The following BTBD9 variants were observed in gnomAD, a reference collection of about 807,000 sequenced individuals.
The protein encoded by BTBD9 is BTB domain containing 9.
Under a neutral mutation model 64.3 loss-of-function variants are expected in BTBD9, and 49 were observed. That is an observed-to-expected ratio of 0.76 (90% CI 0.61 to 0.97). The LOEUF is 0.97. Ranked by LOEUF, BTBD9 falls within the 50% of genes least tolerant of loss-of-function variation. BTBD9 has a pLI of 0.00. For missense variants in BTBD9, 598 were observed against 762.1 expected (o/e 0.78, Z 2.53); for synonymous variants, 260 against 274.7 (o/e 0.95, Z 0.53).
chr6:38,192,917 A>AGGGGGGT (rs1342694440), intron 9 of BTBD9, among the ~76,000 whole-genome samples: 2 of 70,840 alleles, frequency 2.8e-5, no homozygotes, highest in East Asian at 9.9e-4. Context: ...GGGTGGGGGG[A>AGGGGGGT]GGGGGGAGGG....
intron 6 of BTBD9, among the ~76,000 whole-genome samples, chr6:38,442,555 A>G (rs1769082695): frequency 6.6e-6 from 1 of 152,072 alleles, no homozygotes; most frequent in African/African-American, 2.4e-5. Flanking sequence ...AAAGAAGTTA[A>G]TATGATGACC....
At chr6:38,213,719 C>T (rs1022762771) in intron 9 of BTBD9, among the ~76,000 whole-genome samples, 40 of 152,126 alleles carry the variant, frequency 2.6e-4, no homozygotes, top group Non-Finnish European at 5.0e-4. Flanking sequence ...TGGTGGCTCA[C>T]GCCTGTAATC....
chr6:38,402,094 A>G, intron 6 of BTBD9, among the ~76,000 whole-genome samples: 1 of 152,184 alleles, frequency 6.6e-6, no homozygotes, highest in East Asian at 1.9e-4. Context: ...AATTTCATTT[A>G]CAATAGCATC....
At chr6:38,265,400 T>A (rs1044188760) in intron 8 of BTBD9, among the ~76,000 whole-genome samples, 11 of 151,832 alleles carry the variant, frequency 7.2e-5, no homozygotes, top group African/African-American at 2.4e-4. Context: ...TATCTGAAAG[T>A]GGAAAAATAT....
rs143468736 is a variant in BTBD9 at position 38,426,272 on chromosome 6, G to A, written c.1155-81179C>T. On this transcript the variant is annotated intron_variant, in intron 6 of 10. Coordinates refer to ENST00000481247, the MANE Select transcript of BTBD9 (RefSeq NM_001099272.2). ...CAGCTCACACCCAACCAATCAGAGA[G>A]CTCACTAAAATGCTAATTAGGCAAA... 7.6e-3 allele frequency among the ~76,000 whole-genome samples: 1,159 copies of A among 152,012 alleles called. 36 individuals carry two copies. The highest frequency in any genetic ancestry group is 0.026 in the African/African-American group (1,076 of 41,310).
rs117623710 is a variant in BTBD9 at position 38,222,769 on chromosome 6, T to C, written c.1563-30172A>G. On this transcript the variant is annotated intron_variant, in intron 9 of 10. Transcript: ENST00000481247. ...CAAAAATAAAAAGTAAATGTAAAGA[T>C]AGACAGACAAACAGGCAAAACATAT... Among the ~76,000 whole-genome samples, 504 of 152,282 alleles carry C rather than the reference T, an allele frequency of 3.3e-3. 19 individuals are homozygous for C. In the East Asian group the frequency reaches 0.08, roughly 24 times the overall value.
intron 6 of BTBD9, among the ~76,000 whole-genome samples, chr6:38,454,740 T>C (rs1582456745): frequency 6.6e-6 from 1 of 150,802 alleles, no homozygotes; most frequent in Admixed American, 6.6e-5. Flanking sequence ...GAGGCTGCAG[T>C]GAGCTATGAA....
At chr6:38,268,375 C>T (rs144580589) in intron 8 of BTBD9, among the ~76,000 whole-genome samples, 2 of 152,240 alleles carry the variant, frequency 1.3e-5, no homozygotes, top group East Asian at 1.9e-4. Context: ...TCAGAAGAAT[C>T]CGTATCTGTG....
intron 6 of BTBD9, among the ~76,000 whole-genome samples, chr6:38,467,416 T>C (rs1458590846): frequency 1.3e-5 from 2 of 152,190 alleles, no homozygotes; most frequent in African/African-American, 4.8e-5. Context: ...AAAACCAATG[T>C]AAAAATCAGA....
intron 6 of BTBD9, among the ~76,000 whole-genome samples, chr6:38,461,234 C>T (rs1234221206): frequency 6.6e-6 from 1 of 152,134 alleles, no homozygotes; most frequent in African/African-American, 2.4e-5. Context: ...AATTTTTGAC[C>T]TGTAAAACCA....
intron 6 of BTBD9, among the ~76,000 whole-genome samples, chr6:38,423,729 C>G (rs1768015229): frequency 6.6e-6 from 1 of 152,056 alleles, no homozygotes; most frequent in Non-Finnish European, 1.5e-5. Flanking sequence ...TGAAATCCAC[C>G]AGGTCAAAGC....
At chr6:38,345,215 C>G (rs1320917944) in intron 6 of BTBD9, 122 bp from the exon 7 acceptor site, 1 of 535,366 alleles carries the variant, frequency 1.9e-6, no homozygotes, top group African/African-American at 1.9e-5. Context: ...CCAAAGGAGA[C>G]TCTGAGCTTG....
intron 7 of BTBD9, among the ~76,000 whole-genome samples, chr6:38,311,195 C>T (rs552933790): frequency 6.7e-6 from 1 of 148,424 alleles, no homozygotes; most frequent in African/African-American, 2.6e-5. Context: ...TCTTATTCAT[C>T]CTATTTTTTT....
chr6:38,329,016 T>C (rs906235351), intron 7 of BTBD9, among the ~76,000 whole-genome samples: 5 of 145,030 alleles, frequency 3.4e-5, no homozygotes, highest in Non-Finnish European at 7.5e-5. Context: ...GTGTGTGTAA[T>C]TTAAAAATAC....
At chr6:38,618,632 G>A (rs137886467) in intron 1 of BTBD9, among the ~76,000 whole-genome samples, 13 of 152,214 alleles carry the variant, frequency 8.5e-5, no homozygotes, top group African/African-American at 3.1e-4. Context: ...GGGGAATTTG[G>A]CCCAACCCAG....
chr6:38,255,873 A>T (rs552418249), intron 9 of BTBD9, among the ~76,000 whole-genome samples: 1 of 152,250 alleles, frequency 6.6e-6, no homozygotes, highest in Non-Finnish European at 1.5e-5. Context: ...CAATGAGAAC[A>T]CTTGGACATA....
intron 6 of BTBD9, among the ~76,000 whole-genome samples, chr6:38,566,367 TA>T (rs1227474511): frequency 2.6e-5 from 4 of 152,222 alleles, no homozygotes; most frequent in Non-Finnish European, 5.9e-5. Flanking sequence ...TTAAAGCAGG[TA>T]TATTCTCCAC....
chr6:38,192,397 C>G (rs1348892181), intron 10 of BTBD9, 122 bp downstream of exon 10: 1 of 855,904 alleles, frequency 1.2e-6, no homozygotes, highest in Admixed American at 2.2e-5. Flanking sequence ...TTTCTCCACA[C>G]CAAGCTGTCT....
At chr6:38,391,633 C>CTTTTTTTTT (rs11350619) in intron 6 of BTBD9, among the ~76,000 whole-genome samples, 1 of 141,170 alleles carries the variant, frequency 7.1e-6, no homozygotes. Flanking sequence ...GCTTGTTTTT[C>CTTTTTTTTT]TTTTTTTTTT....
Sources: gnomAD v4.1 joint callset for allele counts (sites outside exome capture counted in the v4.1 genomes callset) on GRCh38, gnomAD v4.1.1 for gene constraint, MANE v1.5 for transcripts, NCBI Gene and HGNC (gene_info 2026-07-23, HGNC 2026-07-21) for gene names.